The following RGMA variants were observed in gnomAD, a reference collection of about 807,000 sequenced individuals.
The protein encoded by RGMA is repulsive guidance molecule BMP co-receptor a.
RGMA carries 10 observed loss-of-function variants against 23.2 expected under a neutral mutation model. The observed-to-expected ratio is 0.43, with a 90% CI of 0.27 to 0.73. The LOEUF is 0.73. Ranked by LOEUF, RGMA falls within the 30% of genes least tolerant of loss-of-function variation. The pLI is 0.20. For synonymous variants in RGMA, 308 were observed against 279.3 expected (o/e 1.10, Z -1.03); for missense variants, 547 against 630.5 (o/e 0.87, Z 1.42).
rs935654044 is a variant in RGMA at position 93,038,684 on chromosome 15, C to G, written c.*6314G>C. 2.0e-5 allele frequency: 3 copies of G among 151,292 alleles called. No homozygotes were observed. The highest frequency in any genetic ancestry group is 7.3e-5 in the African/African-American group (3 of 41,118). The allele number at this position is 151,292 out of a possible 1,614,324, so 9.4% of individuals were successfully genotyped here. ...CTGCCTCCCGGGTTCACGCCACTCT[C>G]TTGCCTCAGCCTCCCGAGTAGCTGG... On this transcript the variant is annotated 3_prime_UTR_variant, in exon 4 of 4. Transcript: ENST00000329082.
chr15:93,051,575 G>A (rs2054919958), intron 3 of RGMA, among the ~76,000 whole-genome samples: 1 of 152,212 alleles, frequency 6.6e-6, no homozygotes, highest in Non-Finnish European at 1.5e-5. Context: ...AGCAGGACCT[G>A]AGTCCTGCTG....
rs1456484987 is a variant in RGMA, at chr15:93,041,491, C to T, written c.*3507G>A. On this transcript the variant is annotated 3_prime_UTR_variant, in exon 4 of 4. Coordinates refer to ENST00000329082, the MANE Select transcript of RGMA (RefSeq NM_020211.3). Reference sequence around the variant, plus strand: ...CGTGAGGGCAACCAGTAGTAAGTAGCATGGCACTTGGGAAAGAATTCCAGC... The same window carrying T: ...CGTGAGGGCAACCAGTAGTAAGTAGTATGGCACTTGGGAAAGAATTCCAGC... 6.6e-6 allele frequency: 1 copy of T among 152,222 alleles called. No homozygotes were observed. The highest frequency in any genetic ancestry group is 2.4e-5 in the African/African-American group (1 of 41,454). The allele number at this position is 152,222 out of a possible 1,614,324, so 9.4% of individuals were successfully genotyped here. A position where few individuals can be genotyped will look rare whatever the true frequency, so the allele number is the denominator to read the frequency against.
chr15:93,057,307 T>C (rs573831872), intron 2 of RGMA, among the ~76,000 whole-genome samples: 2 of 152,238 alleles, frequency 1.3e-5, no homozygotes, highest in African/African-American at 4.8e-5. Context: ...GGGATGACAT[T>C]TGGGAGGTAA....
In RGMA at chr15:93,072,929, G is replaced by A. The variant is rs778883593; in HGVS notation, c.117C>T (p.Cys39=). The A allele has an allele frequency of 1.2e-6, 2 of 1,607,506 alleles. No homozygotes were observed. The highest frequency in any genetic ancestry group is 1.3e-5 in the African/African-American group (1 of 74,502). ...GCAGTGCCTTACCTGCGGGGAAGCTGCAGAGAAGGAAGGCGAGGGTCGGCC... is the reference window on the plus strand; with the variant it reads ...GCAGTGCCTTACCTGCGGGGAAGCTACAGAGAAGGAAGGCGAGGGTCGGCC... ...GFWPTLAFLL[C]SFPAATSPCK... The change falls in exon 2 of 4, where the codon TGC becomes TGT. Residue 39 remains cysteine (C), a synonymous_variant. Transcript: ENST00000329082.
At chr15:93,051,358 G>A (rs1009691285) in intron 3 of RGMA, among the ~76,000 whole-genome samples, 23 of 152,250 alleles carry the variant, frequency 1.5e-4, no homozygotes, top group African/African-American at 3.9e-4. Flanking sequence ...AGGGGGCACC[G>A]GTGGGCCGGG....
chr15:93,050,953 G>A (rs1240742767), intron 3 of RGMA, among the ~76,000 whole-genome samples: 1 of 152,192 alleles, frequency 6.6e-6, no homozygotes. Context: ...GAGGTGGCTG[G>A]GTCCTTGATG....
Position 93,045,107 on chromosome 15 carries a change from T to A in RGMA, c.1244A>T (p.Glu415Val). ...HSNKDKLHLY[E>V]RTRDLPGRAA... ...CCTGCCTGGCAGGTCCCGAGTCCTC[T>A]CATACAGGTGCAGTTTGTCTTTGTT... is the stretch of plus-strand genomic sequence containing the variant. Residue 415 changes from glutamate to valine, a missense_variant, in exon 4 of 4, where the codon GAG becomes GTG. Transcript: ENST00000329082. The surrounding 1 kb of genome is among the most constrained non-coding windows in gnomAD (Gnocchi z 6.9). 6.3e-7 allele frequency: 1 copy of A among 1,588,080 alleles called. No individual in the cohort carries two copies.
At chr15:93,070,393 G>C (rs1388537003) in intron 2 of RGMA, among the ~76,000 whole-genome samples, 3 of 152,210 alleles carry the variant, frequency 2.0e-5, no homozygotes, top group African/African-American at 7.2e-5. Flanking sequence ...CAACGGGAGA[G>C]GCCAAGGCAC....
chr15:93,065,922 G>A (rs1596097334), intron 2 of RGMA: 2 of 731,922 alleles, frequency 2.7e-6, no homozygotes, highest in South Asian at 3.1e-5. Context: ...GGGGCCGAGG[G>A]ACTCGCACAA....
At chr15:93,053,240 T>C (rs1380647733) in intron 2 of RGMA, among the ~76,000 whole-genome samples, 1 of 152,218 alleles carries the variant, frequency 6.6e-6, no homozygotes, top group African/African-American at 2.4e-5. Flanking sequence ...TTAGTGACAA[T>C]TAGCCAAAAT....
rs976133577 is a variant in RGMA at position 93,036,676 on chromosome 15, G to C, written c.*8322C>G. Reference sequence around the variant, plus strand: ...TGGTTTGACTCCGCCCCTGCTGTGGGGCTCACGAGCATGCCTTGAACACAG... The same window carrying C: ...TGGTTTGACTCCGCCCCTGCTGTGGCGCTCACGAGCATGCCTTGAACACAG... On this transcript the variant is annotated 3_prime_UTR_variant, in exon 4 of 4. Coordinates refer to ENST00000329082, the MANE Select transcript of RGMA (RefSeq NM_020211.3). The C allele has an allele frequency of 6.6e-6, 1 of 152,248 alleles. No individual in the cohort carries two copies. Among genetic ancestry groups the C allele is most frequent in the Non-Finnish European group, 1.5e-5 (1 of 68,098 alleles). The allele number at this position is 152,248 out of a possible 1,614,324, so 9.4% of individuals were successfully genotyped here. A position where few individuals can be genotyped will look rare whatever the true frequency, so the allele number is the denominator to read the frequency against.
At chr15:93,085,467 AC>A (rs1488977710) in intron 1 of RGMA, among the ~76,000 whole-genome samples, 2 of 152,212 alleles carry the variant, frequency 1.3e-5, no homozygotes, top group Non-Finnish European at 2.9e-5. Flanking sequence ...AAAGTTCTTC[AC>A]CTCATAGCAC....
intron 3 of RGMA, among the ~76,000 whole-genome samples, chr15:93,049,814 T>A (rs538456635): frequency 6.6e-6 from 1 of 151,784 alleles, no homozygotes; most frequent in African/African-American, 2.4e-5. Flanking sequence ...ACAGATGGAG[T>A]CTCTGGCTGC....
At position 93,076,065 on chromosome 15, in the gene RGMA, C is replaced by G. The variant is rs1320818; in HGVS notation, c.15-3034G>C. The stretch of plus-strand genomic sequence containing the variant: ...ACGTTAGATTTGAGAACTCAGCACT[C>G]CGTTCGCCATAGAAACTCATTTAAC... On this transcript the variant is annotated intron_variant, in intron 1 of 3. Transcript: ENST00000329082. Among the ~76,000 whole-genome samples the G allele has an allele frequency of 1.1e-3, 164 of 152,358 alleles. 1 individual carries two copies. Among genetic ancestry groups the G allele is most frequent in the African/African-American group, 3.9e-3 (162 of 41,582 alleles).
At chr15:93,073,121 G>C (rs561412171) in intron 1 of RGMA, 90 bp from the exon 2 acceptor site, 14 of 1,357,544 alleles carry the variant, frequency 1.0e-5, no homozygotes, top group South Asian at 3.7e-5. Flanking sequence ...AGCGAGCCGG[G>C]AGGCTCCGTC....
intron 2 of RGMA, among the ~76,000 whole-genome samples, chr15:93,061,402 G>A (rs962363001): frequency 7.9e-5 from 12 of 152,146 alleles, no homozygotes; most frequent in African/African-American, 1.4e-4. Flanking sequence ...CACCTGCCTC[G>A]GCCTCCCAAA....
chr15:93,051,961 G>C, intron 3 of RGMA, 32 bp downstream of exon 3: 1 of 1,554,526 alleles, frequency 6.4e-7, no homozygotes, highest in Non-Finnish European at 8.7e-7. Flanking sequence ...AAAGGGCAGG[G>C]CTGTGCCCTA....
In RGMA at chr15:93,039,791, A is replaced by G. The variant is rs1420415444; in HGVS notation, c.*5207T>C. 1.3e-5 allele frequency: 2 copies of G among 152,168 alleles called. No homozygotes were observed. Among genetic ancestry groups the G allele is most frequent in the African/African-American group, 2.4e-5 (1 of 41,414 alleles). 9.4% of individuals were successfully genotyped at this position (152,168 alleles called of 1,614,324 possible). ...GTGCCACATTTTCTTTATCCAGTCT[A>G]TCATTGAGCCCATTATTTCTGATAA... On this transcript the variant is annotated 3_prime_UTR_variant, in exon 4 of 4. Transcript: ENST00000329082.
chr15:93,066,396 G>T, intron 2 of RGMA: 6 of 681,112 alleles, frequency 8.8e-6, no homozygotes, highest in Admixed American at 1.9e-5. Flanking sequence ...CCAGGTGGGG[G>T]AAACGGGGGG....
Sources: allele counts gnomAD v4.1 joint callset (sites outside exome capture counted in the v4.1 genomes callset), GRCh38; gene constraint gnomAD v4.1.1; non-coding constraint Gnocchi (gnomAD v3.1); transcripts MANE v1.5; gene names NCBI Gene and HGNC (gene_info 2026-07-23, HGNC 2026-07-21).